The following DLGAP2 variants were observed in gnomAD, a reference collection of about 807,000 sequenced individuals.
The protein encoded by DLGAP2 is disks large-associated protein 2.
A neutral mutation model predicts 100.3 loss-of-function variants in DLGAP2; 26 were observed. The observed-to-expected ratio is 0.26, with a 90% CI of 0.19 to 0.36. The LOEUF is 0.36. DLGAP2 is among the 10% of genes least tolerant of loss of function. The pLI, the probability that DLGAP2 is intolerant of heterozygous loss-of-function variation, is 1.00. For missense variants in DLGAP2, 1,858 were observed against 1,453.2 expected (o/e 1.28, Z -4.53); for synonymous variants, 886 against 630.1 (o/e 1.41, Z -6.08).
At chr8:1,180,759 G>A (rs1267033474) in intron 2 of DLGAP2, among the ~76,000 whole-genome samples, 1 of 151,698 alleles carries the variant, frequency 6.6e-6, no homozygotes, top group East Asian at 1.9e-4. Context: ...GTGTGCCAGG[G>A]CAGTACAGTT....
At chr8:1,032,359 C>G (rs953792660) in intron 2 of DLGAP2, among the ~76,000 whole-genome samples, 20 of 152,182 alleles carry the variant, frequency 1.3e-4, no homozygotes, top group Non-Finnish European at 2.5e-4. Context: ...GCCTGTCACT[C>G]GGCAGGACCT....
At chr8:1,331,372 G>C (rs1283269885) in intron 3 of DLGAP2, among the ~76,000 whole-genome samples, 2 of 151,996 alleles carry the variant, frequency 1.3e-5, no homozygotes, top group Admixed American at 1.3e-4. Flanking sequence ...CTAGTGGGCA[G>C]GTCGCTGGCC....
At chr8:1,486,300 C>CA (rs1799235747) in intron 3 of DLGAP2, among the ~76,000 whole-genome samples, 1 of 152,172 alleles carries the variant, frequency 6.6e-6, no homozygotes, top group Non-Finnish European at 1.5e-5. Flanking sequence ...TCTGCGTGTT[C>CA]AAAGAGCATT....
At chr8:1,365,668 C>T (rs551950886) in intron 3 of DLGAP2, among the ~76,000 whole-genome samples, 1 of 152,314 alleles carries the variant, frequency 6.6e-6, no homozygotes, top group East Asian at 1.9e-4. Flanking sequence ...TGTGCCGAGC[C>T]AAGCAAAATC....
intron 3 of DLGAP2, among the ~76,000 whole-genome samples, chr8:1,353,770 CA>C (rs1801787784): frequency 6.6e-6 from 1 of 151,816 alleles, no homozygotes; most frequent in Non-Finnish European, 1.5e-5. Context: ...ACCTTGTAAA[CA>C]AAATTAGAAG....
At chr8:922,066 G>T (rs917930208) in intron 2 of DLGAP2, among the ~76,000 whole-genome samples, 12 of 152,256 alleles carry the variant, frequency 7.9e-5, no homozygotes, top group Non-Finnish European at 1.5e-4. Flanking sequence ...CGTGTGCGCA[G>T]TTGGCGCCAC....
At chr8:1,271,068 G>T (rs968306569) in intron 3 of DLGAP2, among the ~76,000 whole-genome samples, 20 of 152,002 alleles carry the variant, frequency 1.3e-4, no homozygotes, top group African/African-American at 4.6e-4. Context: ...CTTTCCCCAC[G>T]TCTTCATGAA....
In DLGAP2 at chr8:1,039,154, A is replaced by ATGTGTGGTCAGCTCGGTG. The variant is rs1802219233; in HGVS notation, c.73+131190_73+131191insTGTGGTCAGCTCGGTGTG. 3.4e-5 allele frequency among the ~76,000 whole-genome samples: 5 copies of ATGTGTGGTCAGCTCGGTG among 148,912 alleles called. No homozygotes were observed. In the South Asian group the frequency reaches 1.1e-3, roughly 32 times the overall value. On this transcript the variant is annotated intron_variant, in intron 2 of 14. Transcript: ENST00000637795. Reference sequence around the variant, plus strand: ...CTCATAGGAAGTGACCCATGTGGAAATGCGTGGTCAGCTCGGTGTGCGTGG... The same window carrying ATGTGTGGTCAGCTCGGTG: ...CTCATAGGAAGTGACCCATGTGGAAATGTGTGGTCAGCTCGGTGTGCGTGGTCAGCTCGGTGTGCGTGG...
chr8:1,641,850 T>C (rs1797907793), intron 8 of DLGAP2, among the ~76,000 whole-genome samples: 1 of 151,774 alleles, frequency 6.6e-6, no homozygotes, highest in Non-Finnish European at 1.5e-5. Flanking sequence ...GGAAGTACTG[T>C]TGAATCTGCC....
intron 2 of DLGAP2, among the ~76,000 whole-genome samples, chr8:1,229,803 T>G (rs183703252): frequency 2.0e-5 from 3 of 152,334 alleles, no homozygotes; most frequent in Admixed American, 2.0e-4. Flanking sequence ...GGGAAAGCTT[T>G]AGATAAAATC....
intron 1 of DLGAP2, among the ~76,000 whole-genome samples, chr8:770,194 C>T (rs1010152129): frequency 6.6e-6 from 1 of 152,066 alleles, no homozygotes; most frequent in Non-Finnish European, 1.5e-5. Flanking sequence ...TACAATTTGC[C>T]TGGAGTTGTG....
At chr8:871,372 T>A (rs1450478956) in intron 1 of DLGAP2, among the ~76,000 whole-genome samples, 2 of 152,242 alleles carry the variant, frequency 1.3e-5, no homozygotes, top group African/African-American at 4.8e-5. Flanking sequence ...CTTTTGTATT[T>A]TGCTGTTCTA....
At chr8:1,371,612 T>G (rs1802239618) in intron 3 of DLGAP2, among the ~76,000 whole-genome samples, 1 of 152,232 alleles carries the variant, frequency 6.6e-6, no homozygotes, top group African/African-American at 2.4e-5. Context: ...TGAAGATCTT[T>G]TATGTTTTCT....
chr8:1,232,965 C>T (rs534494725), intron 2 of DLGAP2, among the ~76,000 whole-genome samples: 2 of 152,340 alleles, frequency 1.3e-5, no homozygotes, highest in South Asian at 4.1e-4. Flanking sequence ...AGGAAGTCCC[C>T]AGTCTACTTC....
chr8:1,150,576 T>A (rs1041154090), intron 2 of DLGAP2, among the ~76,000 whole-genome samples: 1 of 152,218 alleles, frequency 6.6e-6, no homozygotes, highest in African/African-American at 2.4e-5. Flanking sequence ...GCCTCATTCC[T>A]ATGAATCTAC....
At chr8:1,552,098 T>C (rs1801788002) in intron 5 of DLGAP2, among the ~76,000 whole-genome samples, 1 of 152,192 alleles carries the variant, frequency 6.6e-6, no homozygotes, top group Non-Finnish European at 1.5e-5. Context: ...CCTGTTGTTC[T>C]GCAGCCAGCC....
chr8:1,023,345 G>C (rs770445199), intron 2 of DLGAP2, among the ~76,000 whole-genome samples: 18 of 152,228 alleles, frequency 1.2e-4, no homozygotes, highest in African/African-American at 2.6e-4. Flanking sequence ...TCCTCTCTCT[G>C]TAGCAATATG....
chr8:1,007,643 G>GGA (rs1198932686), intron 2 of DLGAP2, among the ~76,000 whole-genome samples: 1 of 146,908 alleles, frequency 6.8e-6, no homozygotes, highest in African/African-American at 2.5e-5. Flanking sequence ...TTTGGGGGGG[G>GGA]GATCTTCTGT....
intron 1 of DLGAP2, among the ~76,000 whole-genome samples, chr8:832,876 G>A (rs894601412): frequency 3.9e-5 from 6 of 152,312 alleles, no homozygotes; most frequent in African/African-American, 1.4e-4. Flanking sequence ...GGCACGGGGT[G>A]TATGGACATG....
Sources: gnomAD v4.1 joint callset for allele counts (sites outside exome capture counted in the v4.1 genomes callset) on GRCh38, gnomAD v4.1.1 for gene constraint, MANE v1.5 for transcripts, NCBI Gene and HGNC (gene_info 2026-07-23, HGNC 2026-07-21) for gene names.